Variants in SLCO2B1 observed in about 807,000 individuals in gnomAD.
The protein encoded by SLCO2B1 is solute carrier organic anion transporter family member 2B1.
A neutral mutation model predicts 67.3 loss-of-function variants in SLCO2B1; 41 were observed. The observed-to-expected ratio is 0.61, with a 90% CI of 0.47 to 0.79. The LOEUF (loss-of-function observed/expected upper bound fraction) is 0.79, where lower values mean the gene tolerates loss of function less well. SLCO2B1 is among the 30% of genes least tolerant of loss of function. The probability of loss-of-function intolerance (pLI) is 0.00; values close to 1 mark genes in which losing one functional copy is unlikely to be tolerated. For missense variants in SLCO2B1, 837 were observed against 920.1 expected (o/e 0.91, Z 1.17); for synonymous variants, 379 against 381.4 (o/e 0.99, Z 0.07).
chr11:75,196,078 A>T (rs1743640080), intron 9 of SLCO2B1, among the ~76,000 whole-genome samples: 1 of 152,248 alleles, frequency 6.6e-6, no homozygotes, highest in Non-Finnish European at 1.5e-5. Flanking sequence ...CCAGAGAGGC[A>T]GGAACAGGCT....
At position 75,193,658 on chromosome 11, in the gene SLCO2B1, G is replaced by T. The variant is rs1405412434; in HGVS notation, c.1433+83G>T. The T allele has an allele frequency of 3.1e-6, 4 of 1,270,212 alleles. No individual in the cohort carries two copies. The East Asian group carries it at 9.4e-5, about 30-fold the overall frequency. The allele number at this position is 1,270,212 out of a possible 1,614,324, so 78.7% of individuals were successfully genotyped here. A position where few individuals can be genotyped will look rare whatever the true frequency, so the allele number is the denominator to read the frequency against. On this transcript the variant is annotated intron_variant, in intron 9 of 13. Coordinates refer to ENST00000289575, the MANE Select transcript of SLCO2B1 (RefSeq NM_007256.5). This position sits in a 1 kb window ranked among gnomAD's most constrained non-coding sequence, Gnocchi z 4.2. ...GGGGCCCTGGGCAGAGGCCAGGATG[G>T]CAGGGCAACCCCTGCCTCAAATCTT...
chr11:75,156,459 G>A (rs929154792), intron 1 of SLCO2B1, among the ~76,000 whole-genome samples: 9 of 152,308 alleles, frequency 5.9e-5, no homozygotes, highest in African/African-American at 2.2e-4. Flanking sequence ...ACTTTAGGAG[G>A]TAGGAAGGGC....
chr11:75,204,404 A>G lies in SLCO2B1; in HGVS notation c.1954A>G (p.Ile652Val), dbSNP rs146573945. The change falls in exon 14 of 14, where the codon ATC (isoleucine) becomes GTC (valine). Residue 652 changes from isoleucine to valine, a missense_variant. Physicochemically the swap from Ile to Val is conservative, Grantham distance 29 (BLOSUM62 3). Coordinates refer to ENST00000289575, the MANE Select transcript of SLCO2B1 (RefSeq NM_007256.5). ...YNNDLLRNRF[I>V]GLQFFFKTGS... ...GGGTCCCCATTCTTTCCCCAGGTTCATCGGCCTCCAGTTCTTCTTCAAAAC... is the reference window on the plus strand; with the variant it reads ...GGGTCCCCATTCTTTCCCCAGGTTCGTCGGCCTCCAGTTCTTCTTCAAAAC... 93 of 1,601,728 alleles carry G rather than the reference A, an allele frequency of 5.8e-5. No individual in the cohort carries two copies. Among genetic ancestry groups the G allele is most frequent in the Non-Finnish European group, 7.4e-5 (87 of 1,174,122 alleles).
Position 75,190,555 on chromosome 11 carries a change from C to T in SLCO2B1, c.1075+2317C>T, listed in dbSNP as rs569178949. Among the ~76,000 whole-genome samples, 4 of 152,192 alleles carry T rather than the reference C, an allele frequency of 2.6e-5. No individual in the cohort carries two copies. The East Asian group carries it at 7.7e-4, about 29-fold the overall frequency. On this transcript the variant is annotated intron_variant, in intron 8 of 13. Coordinates refer to ENST00000289575, the MANE Select transcript of SLCO2B1 (RefSeq NM_007256.5). The stretch of plus-strand genomic sequence containing the variant: ...GATACAATCTCTCTGATGGAGGTTA[C>T]GTAGTCCCTGAATGGAGCGAGACCC...
At position 75,193,841 on chromosome 11, in the gene SLCO2B1, T is replaced by C. The variant is rs372305217; in HGVS notation, c.1433+266T>C. On this transcript the variant is annotated intron_variant, in intron 9 of 13. Coordinates refer to ENST00000289575, the MANE Select transcript of SLCO2B1 (RefSeq NM_007256.5). This position sits in a 1 kb window ranked among gnomAD's most constrained non-coding sequence, Gnocchi z 4.2. ...GCCCAGGAGGGTGTGGAGGCTGAGA[T>C]AGGGCAGAGCCACCCATGGGATGGC... Among the ~76,000 whole-genome samples, 4 of 152,142 alleles carry C rather than the reference T, an allele frequency of 2.6e-5. No homozygotes were observed. Among genetic ancestry groups the C allele is most frequent in the African/African-American group, 4.8e-5 (2 of 41,444 alleles).
In SLCO2B1 at chr11:75,188,167, G is replaced by A; in HGVS notation, c.1004G>A (p.Gly335Glu). The change falls in exon 8 of 14, where the codon GGG becomes GAG. Residue 335 changes from glycine to glutamate, a missense_variant. Physicochemically the swap from Gly to Glu is moderately conservative, Grantham distance 98. Coordinates refer to ENST00000289575, the MANE Select transcript of SLCO2B1 (RefSeq NM_007256.5). ...GACTCTCCCTCTAAGCAGAGCCCTG[G>A]GGAGTCCACGAAGAAGCAGGATGGC... ...GKDSPSKQSP[G>E]ESTKKQDGLV... The A allele has an allele frequency of 6.2e-7, 1 of 1,614,012 alleles. No individual in the cohort carries two copies. The highest frequency in any genetic ancestry group is 2.2e-5 in the East Asian group (1 of 44,884).
rs745930484 is a variant in SLCO2B1, at chr11:75,153,468, G to C, written c.16+2071G>C. On this transcript the variant is annotated intron_variant, in intron 1 of 13. Coordinates refer to ENST00000289575, the MANE Select transcript of SLCO2B1 (RefSeq NM_007256.5). Reference sequence around the variant, plus strand: ...ATAGGTGAGAAACTGATGCTCAGAGGGGGCAAGCAAGGTCCAAGCTCACCC... The same window carrying C: ...ATAGGTGAGAAACTGATGCTCAGAGCGGGCAAGCAAGGTCCAAGCTCACCC... Among the ~76,000 whole-genome samples the C allele has an allele frequency of 6.8e-4, 103 of 152,292 alleles. 1 individual carries two copies. Among genetic ancestry groups the C allele is most frequent in the Non-Finnish European group, 1.1e-3 (77 of 68,022 alleles).
chr11:75,192,487 T>C (rs1261752782), intron 8 of SLCO2B1, among the ~76,000 whole-genome samples: 1 of 151,754 alleles, frequency 6.6e-6, no homozygotes, highest in African/African-American at 2.4e-5. Context: ...GTGTTTGGGA[T>C]GCGAAGGAGG....
chr11:75,180,756 G>A (rs1591824149), intron 7 of SLCO2B1, among the ~76,000 whole-genome samples: 2 of 152,294 alleles, frequency 1.3e-5, no homozygotes, highest in South Asian at 4.1e-4. Context: ...ACCTTTGTAT[G>A]GATGATCTCA....
At chr11:75,158,012 A>G (rs111708964) in intron 1 of SLCO2B1, among the ~76,000 whole-genome samples, 351 of 152,262 alleles carry the variant, frequency 2.3e-3, no homozygotes, top group African/African-American at 8.3e-3. Flanking sequence ...GACCCAAAGA[A>G]ATGGGAAAAC....
At chr11:75,194,690 C>T (rs3824904) in intron 9 of SLCO2B1, among the ~76,000 whole-genome samples, 14,220 of 152,174 alleles carry the variant, frequency 0.093, 1,274 homozygotes, top group East Asian at 0.25. Flanking sequence ...TCAGGAAGTC[C>T]CTGGTCTGAG....
intron 7 of SLCO2B1, among the ~76,000 whole-genome samples, chr11:75,180,118 A>G (rs1950076518): frequency 6.6e-6 from 1 of 152,228 alleles, no homozygotes; most frequent in Non-Finnish European, 1.5e-5. Flanking sequence ...CTCGGGCTCA[A>G]GTAATTTGCC....
chr11:75,203,208 G>A (rs1212556225), intron 12 of SLCO2B1, 99 bp from the exon 13 acceptor site: 2 of 1,502,552 alleles, frequency 1.3e-6, no homozygotes, highest in Admixed American at 2.0e-5. Flanking sequence ...CAGCCAAGAG[G>A]CCCCAGTAAC....
intron 1 of SLCO2B1, among the ~76,000 whole-genome samples, chr11:75,160,244 A>G (rs775738686): frequency 9.9e-5 from 15 of 152,222 alleles, no homozygotes; most frequent in Non-Finnish European, 1.9e-4. Context: ...GGGCCAAGAC[A>G]GAGAAAAGCA....
chr11:75,163,276 A>G (rs949100569), intron 2 of SLCO2B1, among the ~76,000 whole-genome samples: 3 of 152,242 alleles, frequency 2.0e-5, no homozygotes, highest in African/African-American at 7.2e-5. Context: ...ACTGAGACTC[A>G]GAACAGAGTG....
intron 7 of SLCO2B1, among the ~76,000 whole-genome samples, chr11:75,179,914 A>T (rs1591823611): frequency 6.6e-6 from 1 of 150,576 alleles, no homozygotes; most frequent in Admixed American, 6.6e-5. Flanking sequence ...CTGGTCTTGA[A>T]CTCCTGGCCT....
intron 3 of SLCO2B1, among the ~76,000 whole-genome samples, chr11:75,165,042 C>A (rs200956106): frequency 1.3e-5 from 2 of 152,166 alleles, no homozygotes; most frequent in African/African-American, 4.8e-5. Context: ...AGCCAATGCA[C>A]CCCCTGCTCA....
intron 3 of SLCO2B1, among the ~76,000 whole-genome samples, chr11:75,164,747 GT>G (rs1949866557): frequency 6.6e-6 from 1 of 152,110 alleles, no homozygotes; most frequent in African/African-American, 2.4e-5. Flanking sequence ...TTGGTAATGT[GT>G]CATATTTCTC....
intron 9 of SLCO2B1, 116 bp from the exon 10 acceptor site, chr11:75,196,396 CCT>C: frequency 1.9e-6 from 2 of 1,027,938 alleles, no homozygotes; most frequent in South Asian, 3.3e-5. Flanking sequence ...TGATGAAAAT[CCT>C]CTGTGTGGAG....
Sources: gnomAD v4.1 joint callset for allele counts (sites outside exome capture counted in the v4.1 genomes callset) on GRCh38, gnomAD v4.1.1 for gene constraint, Gnocchi (gnomAD v3.1) non-coding constraint, MANE v1.5 for transcripts, NCBI Gene and HGNC (gene_info 2026-07-23, HGNC 2026-07-21) for gene names.